The following SP140L variants were observed in gnomAD, a reference collection of about 807,000 sequenced individuals.
SP140L encodes the protein SP140 like nuclear body protein, also known as nuclear body protein SP140-like protein.
A neutral mutation model predicts 84.3 loss-of-function variants in SP140L; 64 were observed. The ratio of observed to expected loss-of-function variants is 0.76; its 90% CI spans 0.62 to 0.94. SP140L has a LOEUF of 0.94. Among genes scored for constraint, SP140L ranks in the 40% least tolerant of loss-of-function variants. The pLI is 0.00. For missense variants in SP140L, 628 were observed against 692.5 expected, an observed-to-expected ratio of 0.91 and a Z score of 1.05; for synonymous variants, 242 against 236.9, an observed-to-expected ratio of 1.02 and a Z score of -0.20.
intron 11 of SP140L, 93 bp from the exon 12 acceptor site, chr2:230,391,994 A>G (rs2061829854): frequency 9.1e-6 from 14 of 1,542,200 alleles, no homozygotes; most frequent in Admixed American, 1.8e-5. Flanking sequence ...CTTCATCACA[A>G]ATTGGGTGGC....
intron 2 of SP140L, among the ~76,000 whole-genome samples, chr2:230,334,538 C>T (rs1275591852): frequency 6.6e-6 from 1 of 152,160 alleles, no homozygotes; most frequent in African/African-American, 2.4e-5. Flanking sequence ...GAGATAACAC[C>T]TACGTGGTCA....
intron 2 of SP140L, among the ~76,000 whole-genome samples, chr2:230,331,675 G>A (rs1383951848): frequency 6.6e-6 from 1 of 152,116 alleles, no homozygotes; most frequent in African/African-American, 2.4e-5. Context: ...TTGAACTTGA[G>A]TCCTTATTGG....
rs183467221 is a variant in SP140L, at chr2:230,328,608, C to A, written c.33-149C>A. 30 of 1,045,342 alleles carry A rather than the reference C, an allele frequency of 2.9e-5. No homozygotes were observed. The East Asian group carries it at 7.6e-4, about 26-fold the overall frequency. The allele number at this position is 1,045,342 out of a possible 1,614,324, so 64.8% of individuals were successfully genotyped here. A position where few individuals can be genotyped will look rare whatever the true frequency, so the allele number is the denominator to read the frequency against. On this transcript the variant is annotated intron_variant, in intron 1 of 18. Transcript: ENST00000415673. ...ATTGTTTTAAATTGTTCACGTTTAT[C>A]AATAAGCTATAATAATGATTATATA...
chr2:230,371,291 A>G (rs2149766069), intron 6 of SP140L, among the ~76,000 whole-genome samples: 1 of 152,292 alleles, frequency 6.6e-6, no homozygotes, highest in East Asian at 1.9e-4. Context: ...GCTAGTAGAT[A>G]ATAGTGTCAT....
chr2:230,378,070 ATCCT>A (rs2061304154), intron 7 of SP140L, among the ~76,000 whole-genome samples: 2 of 152,176 alleles, frequency 1.3e-5, no homozygotes, highest in African/African-American at 4.8e-5. Flanking sequence ...TGAAAAAAGT[ATCCT>A]TTCTGCATTG....
chr2:230,357,927 G>A lies in SP140L; in HGVS notation c.230G>A (p.Gly77Asp). ...AAAAAGACATTTCCATTCCTTGAGG[G>A]CCTCCGCGATCGGGAACTCATCACA... ...AIKKTFPFLE[G>D]LRDRELITNK... The change falls in exon 3 of 19, where the codon GGC (glycine) becomes GAC (aspartate). Residue 77 changes from glycine (G) to aspartate (D), a missense_variant. Around this residue, in one of 4 missense-constraint regions of SP140L, gnomAD observed 525 missense variants for 518.4 expected, o/e 1.01. Coordinates refer to ENST00000415673, the MANE Select transcript of SP140L (RefSeq NM_138402.6). The A allele has an allele frequency of 6.2e-7, 1 of 1,613,996 alleles. No individual in the cohort carries two copies. Among genetic ancestry groups the A allele is most frequent in the Non-Finnish European group, 8.5e-7 (1 of 1,179,902 alleles).
chr2:230,338,421 T>TAG (rs2059939867), intron 2 of SP140L, among the ~76,000 whole-genome samples: 1 of 135,728 alleles, frequency 7.4e-6, no homozygotes, highest in Non-Finnish European at 1.6e-5. Flanking sequence ...TTTCTAGATA[T>TAG]AGAATCATGT....
chr2:230,399,522 A>C (rs11675127), intron 14 of SP140L, among the ~76,000 whole-genome samples: 1 of 151,998 alleles, frequency 6.6e-6, no homozygotes, highest in Non-Finnish European at 1.5e-5. Flanking sequence ...TTCTGCCAGG[A>C]TCCCAGAGCC....
chr2:230,376,289 A>C (rs2061238495), intron 7 of SP140L, among the ~76,000 whole-genome samples: 1 of 152,186 alleles, frequency 6.6e-6, no homozygotes, highest in Admixed American at 6.5e-5. Context: ...AGTCATCCAA[A>C]TTGGAAAGAA....
chr2:230,358,047 G>A, intron 3 of SP140L, 80 bp downstream of exon 3: 3 of 1,515,644 alleles, frequency 2.0e-6, no homozygotes, highest in Non-Finnish European at 2.7e-6. Context: ...CTGTAAAGTA[G>A]AAAAGGAGAG....
In SP140L at chr2:230,327,214, G is replaced by A. The variant is rs1575415385; in HGVS notation, c.-56G>A. On this transcript the variant is annotated 5_prime_UTR_variant, in exon 1 of 19. Coordinates refer to ENST00000415673, the MANE Select transcript of SP140L (RefSeq NM_138402.6). ...AGCCACACTGCACGCAGGCTGGGCC[G>A]ACTGGGGAGCTCATAGGCCAGGCTC... 32 of 1,575,784 alleles carry A rather than the reference G, an allele frequency of 2.0e-5. No individual in the cohort carries two copies. Among genetic ancestry groups the A allele is most frequent in the Middle Eastern group, 1.7e-4 (1 of 6,006 alleles).
intron 15 of SP140L, 169 bp downstream of exon 15, chr2:230,400,411 G>A (rs2062268713): frequency 1.6e-6 from 1 of 644,292 alleles, no homozygotes; most frequent in African/African-American, 1.8e-5. Context: ...CTGGCAGCAG[G>A]AGGTAAATGC....
intron 3 of SP140L, 117 bp downstream of exon 3, chr2:230,358,084 C>A: frequency 8.2e-7 from 1 of 1,213,768 alleles, no homozygotes; most frequent in Non-Finnish European, 1.2e-6. Flanking sequence ...CAGAGATGGT[C>A]CTACTTCCAG....
Position 230,328,666 on chromosome 2 carries a change from C to G in SP140L, c.33-91C>G, listed in dbSNP as rs949967264. Reference sequence around the variant, plus strand: ...TTTTTTTGCACATATGCAAGTATTTCTCTTGTGCCTAAACCTTAAAAAGTG... The same window carrying G: ...TTTTTTTGCACATATGCAAGTATTTGTCTTGTGCCTAAACCTTAAAAAGTG... On this transcript the variant is annotated intron_variant, in intron 1 of 18. Coordinates refer to ENST00000415673, the MANE Select transcript of SP140L (RefSeq NM_138402.6). 4.0e-6 allele frequency: 6 copies of G among 1,484,842 alleles called. No individual in the cohort carries two copies. The African/African-American group carries it at 8.5e-5, about 21-fold the overall frequency. The allele number at this position is 1,484,842 out of a possible 1,614,324, so 92.0% of individuals were successfully genotyped here. A position where few individuals can be genotyped will look rare whatever the true frequency, so the allele number is the denominator to read the frequency against.
chr2:230,341,713 G>C (rs376036219), intron 2 of SP140L, among the ~76,000 whole-genome samples: 16 of 152,000 alleles, frequency 1.1e-4, no homozygotes, highest in African/African-American at 3.1e-4. Flanking sequence ...TTCTAACAGA[G>C]AGGACCCTCA....
At chr2:230,356,316 T>C (rs888715244) in intron 2 of SP140L, among the ~76,000 whole-genome samples, 8 of 152,188 alleles carry the variant, frequency 5.3e-5, no homozygotes, top group Non-Finnish European at 1.0e-4. Context: ...GCAGTTTTAT[T>C]CATACTAGTC....
intron 2 of SP140L, among the ~76,000 whole-genome samples, chr2:230,332,051 G>A (rs2059739102): frequency 6.6e-6 from 1 of 152,084 alleles, no homozygotes; most frequent in Non-Finnish European, 1.5e-5. Context: ...GCGCTCAGGG[G>A]AACGCTTGTA....
intron 4 of SP140L, among the ~76,000 whole-genome samples, chr2:230,361,210 C>A (rs1030960539): frequency 3.9e-5 from 6 of 152,100 alleles, no homozygotes; most frequent in African/African-American, 1.4e-4. Context: ...CGTCACCATC[C>A]CACAGTTCTA....
intron 5 of SP140L, 68 bp downstream of exon 5, chr2:230,361,765 C>A: frequency 1.6e-6 from 2 of 1,221,912 alleles, no homozygotes; most frequent in Non-Finnish European, 2.3e-6. Context: ...GAGGTGAGGG[C>A]CCAAGGTCCT....
Sources: allele counts gnomAD v4.1 joint callset (sites outside exome capture counted in the v4.1 genomes callset), GRCh38; gene constraint gnomAD v4.1.1; regional missense constraint gnomAD v4.1.1; transcripts MANE v1.5; gene names NCBI Gene and HGNC (gene_info 2026-07-23, HGNC 2026-07-21).